The following BMP8A variants were observed in gnomAD, a reference collection of about 807,000 sequenced individuals.
BMP8A encodes the protein BMP-8A.
A neutral mutation model predicts 36.8 loss-of-function variants in BMP8A; 14 were observed. The ratio of observed to expected loss-of-function variants is 0.38; its 90% CI spans 0.25 to 0.60. The LOEUF (loss-of-function observed/expected upper bound fraction) is 0.60. Ranked by LOEUF, BMP8A falls within the 20% of genes least tolerant of loss-of-function variation. The pLI is 0.63. For missense variants in BMP8A, 267 were observed against 551.1 expected (o/e 0.48, Z 5.16); for synonymous variants, 120 against 237.7 (o/e 0.50, Z 4.55).
intron 1 of BMP8A, among the ~76,000 whole-genome samples, chr1:39,510,457 C>T (rs1645343232): frequency 6.9e-6 from 1 of 144,972 alleles, no homozygotes; most frequent in Non-Finnish European, 1.5e-5. Flanking sequence ...CGTTTCCCTT[C>T]TTCCTCTTCC....
rs1436096177 is a variant in BMP8A, at chr1:39,515,664, G to A, written c.673+3760G>A. 7 of 1,574,406 alleles carry A rather than the reference G, an allele frequency of 4.4e-6. 1 individual carries two copies. The African/African-American group carries it at 9.4e-5, about 21-fold the overall frequency. ...CAATTTCAACGTGCCCATGTGCAAA[G>A]CTGCAGACGTCACGGCGGTGGAGGT... is the stretch of plus-strand genomic sequence containing the variant. On this transcript the variant is annotated intron_variant, in intron 3 of 6. Coordinates refer to ENST00000331593, the MANE Select transcript of BMP8A (RefSeq NM_181809.4).
chr1:39,517,773 C>T (rs1404312887), intron 3 of BMP8A, among the ~76,000 whole-genome samples: 1 of 152,242 alleles, frequency 6.6e-6, no homozygotes, highest in Non-Finnish European at 1.5e-5. Context: ...GCAGGACCAT[C>T]TCCAAGGGAA....
intron 3 of BMP8A, among the ~76,000 whole-genome samples, chr1:39,513,666 C>T (rs1481219979): frequency 6.6e-6 from 1 of 151,576 alleles, no homozygotes; most frequent in Non-Finnish European, 1.5e-5. Flanking sequence ...ATATTACTGA[C>T]CCCCCTGGGA....
At chr1:39,492,361 A>T (rs113085640) in intron 1 of BMP8A, 36 bp downstream of exon 1, 1 of 1,506,324 alleles carries the variant, frequency 6.6e-7, no homozygotes. Context: ...CCCTCGGAGT[A>T]AGCTGGCTGC....
Position 39,529,662 on chromosome 1 carries a change from A to AC in BMP8A, c.*3867dup, listed in dbSNP as rs1645516321. On this transcript the variant is annotated 3_prime_UTR_variant, in exon 7 of 7. Transcript: ENST00000331593. Reference sequence around the variant, plus strand: ...AAATAACAAAAACCAGAATACAAACACCCATAATCAATCACAGAGATAACC... The same window carrying AC: ...AAATAACAAAAACCAGAATACAAACACCCCATAATCAATCACAGAGATAACC... 1.3e-5 allele frequency among the ~76,000 whole-genome samples: 2 copies of AC among 152,316 alleles called. No homozygotes were observed. The highest frequency in any genetic ancestry group is 6.5e-5 in the Admixed American group (1 of 15,306).
At chr1:39,493,739 G>C (rs1645181352) in intron 1 of BMP8A, among the ~76,000 whole-genome samples, 1 of 152,236 alleles carries the variant, frequency 6.6e-6, no homozygotes, top group South Asian at 2.1e-4. Flanking sequence ...TTAGAGGACA[G>C]GGTGGGGATG....
chr1:39,505,869 CCTGCTACCCCAGAGG>C (rs1455099276), intron 1 of BMP8A, among the ~76,000 whole-genome samples: 1 of 151,394 alleles, frequency 6.6e-6, no homozygotes, highest in Non-Finnish European at 1.5e-5. Context: ...ACCAGTGGTC[CCTGCTACCCCAGAGG>C]CTGAAGTGGG....
intron 1 of BMP8A, among the ~76,000 whole-genome samples, chr1:39,494,863 C>T (rs373728944): frequency 1.9e-3 from 287 of 152,260 alleles, no homozygotes; most frequent in African/African-American, 6.1e-3. Flanking sequence ...CCTCCAGCGC[C>T]GTGGGATTAA....
chr1:39,509,742 C>A (rs1645336793), intron 1 of BMP8A, among the ~76,000 whole-genome samples: 1 of 152,192 alleles, frequency 6.6e-6, no homozygotes, highest in Non-Finnish European at 1.5e-5. Context: ...TGACTGTGGT[C>A]ACTGAGCCCA....
At chr1:39,514,533 G>A (rs1420541964) in intron 3 of BMP8A, among the ~76,000 whole-genome samples, 1 of 150,938 alleles carries the variant, frequency 6.6e-6, no homozygotes, top group Non-Finnish European at 1.5e-5. Flanking sequence ...GATGCCCAGT[G>A]AAGGTGTTCA....
chr1:39,525,877 G>T lies in BMP8A; in HGVS notation c.*79G>T. 1 of 1,590,450 alleles carries T rather than the reference G, an allele frequency of 6.3e-7. No homozygotes were observed. Among genetic ancestry groups the T allele is most frequent in the South Asian group, 1.1e-5 (1 of 89,734 alleles). ...CAGAGGCAGAAAACCCTTAAATGCT[G>T]TCACAGCTCAAGCAGGAGTGTCAGG... On this transcript the variant is annotated 3_prime_UTR_variant, in exon 7 of 7. Coordinates refer to ENST00000331593, the MANE Select transcript of BMP8A (RefSeq NM_181809.4).
chr1:39,492,770 C>T (rs1009441057), intron 1 of BMP8A, among the ~76,000 whole-genome samples: 11 of 152,192 alleles, frequency 7.2e-5, no homozygotes, highest in Non-Finnish European at 1.0e-4. Flanking sequence ...AGCTGAGTCG[C>T]GTGCCCTGAG....
chr1:39,514,918 C>T (rs1645383600), intron 3 of BMP8A: 3 of 1,475,440 alleles, frequency 2.0e-6, no homozygotes, highest in Non-Finnish European at 2.7e-6. Flanking sequence ...GCACGCAGGG[C>T]TCACACCACT....
rs1645496993 is a variant in BMP8A, at chr1:39,527,681, C to A, written c.*1883C>A. On this transcript the variant is annotated 3_prime_UTR_variant, in exon 7 of 7. Coordinates refer to ENST00000331593, the MANE Select transcript of BMP8A (RefSeq NM_181809.4). ...CAGGCTGTCTGGAAGATGGTGAGTT[C>A]CCCACTAGTCTAAGGCTTCAAGCTC... is the stretch of plus-strand genomic sequence containing the variant. 1.3e-5 allele frequency among the ~76,000 whole-genome samples: 2 copies of A among 152,180 alleles called. No individual in the cohort carries two copies. Among genetic ancestry groups the A allele is most frequent in the Non-Finnish European group, 2.9e-5 (2 of 68,028 alleles).
rs77366891 is a variant in BMP8A, at chr1:39,507,442, G to A, written c.335-3732G>A. ...TATTGAGGACCTGTCTAGAGGCCTCGAGCGCTTTTGGCCAGTTCCAGCATG... is the reference window on the plus strand; with the variant it reads ...TATTGAGGACCTGTCTAGAGGCCTCAAGCGCTTTTGGCCAGTTCCAGCATG... On this transcript the variant is annotated intron_variant, in intron 1 of 6. Transcript: ENST00000331593. Among the ~76,000 whole-genome samples, 108 of 152,274 alleles carry A rather than the reference G, an allele frequency of 7.1e-4. 1 individual carries two copies. The East Asian group carries it at 0.02, about 28-fold the overall frequency.
At chr1:39,523,531 G>A in intron 6 of BMP8A, 1 of 1,381,928 alleles carries the variant, frequency 7.2e-7, no homozygotes, top group Non-Finnish European at 9.4e-7. Flanking sequence ...TGTGCGCACA[G>A]TGTGTGGGGT....
In BMP8A at chr1:39,529,486, A is replaced by T. The variant is rs1645514727; in HGVS notation, c.*3688A>T. Among the ~76,000 whole-genome samples the T allele has an allele frequency of 6.6e-6, 1 of 152,180 alleles. No homozygotes were observed. The highest frequency in any genetic ancestry group is 2.1e-4 in the South Asian group (1 of 4,822). ...GAGTGTGGGGCCCACCTGTGCCCTC[A>T]TGGGCAGCTGAAGGGGGAGCTTTCT... On this transcript the variant is annotated 3_prime_UTR_variant, in exon 7 of 7. Coordinates refer to ENST00000331593, the MANE Select transcript of BMP8A (RefSeq NM_181809.4).
rs1315549426 is a variant in BMP8A at position 39,526,387 on chromosome 1, GGA to G, written c.*591_*592del. Among the ~76,000 whole-genome samples the G allele has an allele frequency of 6.7e-6, 1 of 150,046 alleles. No homozygotes were observed. Among genetic ancestry groups the G allele is most frequent in the Non-Finnish European group, 1.5e-5 (1 of 67,684 alleles). On this transcript the variant is annotated 3_prime_UTR_variant, in exon 7 of 7. Transcript: ENST00000331593. ...AGAGTCTCACTCTGTCACCCAGGCT[GGA>G]GTGCAGTGGTGCAATCCTGGCTCAC...
chr1:39,522,881 C>A, intron 5 of BMP8A, 126 bp from the exon 6 acceptor site: 2 of 977,248 alleles, frequency 2.0e-6, no homozygotes, highest in Non-Finnish European at 3.1e-6. Flanking sequence ...CCTTTTCCGC[C>A]GGGGGTTCCT....
Sources: gnomAD v4.1 joint callset for allele counts (sites outside exome capture counted in the v4.1 genomes callset) on GRCh38, gnomAD v4.1.1 for gene constraint, MANE v1.5 for transcripts, NCBI Gene and HGNC (gene_info 2026-07-23, HGNC 2026-07-21) for gene names.